CCL22: variants seen among roughly 807,000 people sequenced by gnomAD.
The protein encoded by CCL22 is C-C motif chemokine 22.
A neutral mutation model predicts 7.6 loss-of-function variants in CCL22; 7 were observed. The ratio of observed to expected loss-of-function variants is 0.92; its 90% CI spans 0.52 to 1.72. The LOEUF (loss-of-function observed/expected upper bound fraction) is 1.72. CCL22 is among the 40% of genes most tolerant of loss of function. The pLI, the probability that CCL22 is intolerant of heterozygous loss-of-function variation, is 0.00. For synonymous variants in CCL22, 55 were observed against 47.2 expected (o/e 1.17, Z -0.68); for missense variants, 115 against 124.7 (o/e 0.92, Z 0.37).
Position 57,361,207 on chromosome 16 carries a change from C to T in CCL22, c.197+647C>T, listed in dbSNP as rs192630790. On this transcript the variant is annotated intron_variant, in intron 2 of 2. Coordinates refer to ENST00000219235, the MANE Select transcript of CCL22 (RefSeq NM_002990.5). The stretch of plus-strand genomic sequence containing the variant: ...CTGGAAGGTGGAGGTTGCAGTGAGC[C>T]GAGATCGCTCCACCTCACTCCAGCC... Among the ~76,000 whole-genome samples, 234 of 146,454 alleles carry T rather than the reference C, an allele frequency of 1.6e-3. 2 individuals carry two copies. The highest frequency in any genetic ancestry group is 5.6e-3 in the African/African-American group (217 of 38,422).
At chr16:57,357,949 G>A (rs145657401), upstream of CCL22, among the ~76,000 whole-genome samples, 6 of 152,286 alleles carry the variant, frequency 3.9e-5, no homozygotes, top group Non-Finnish European at 5.9e-5. Flanking sequence ...GGGGAGCCAC[G>A]GCAGGGTTCT....
intron 2 of CCL22, among the ~76,000 whole-genome samples, chr16:57,362,454 AAATC>A (rs534924305): frequency 3.3e-5 from 5 of 152,062 alleles, no homozygotes; most frequent in Non-Finnish European, 7.3e-5. Flanking sequence ...CCTGTCTCTA[AAATC>A]AATCAATCAA....
In CCL22 at chr16:57,363,525, G is replaced by A. The variant is rs1485998618; in HGVS notation, c.219G>A (p.Lys73=). Residue 73 remains lysine, a synonymous_variant, in exon 3 of 3, where the codon AAG becomes AAA. Transcript: ENST00000219235. ...CCAGGTTGCTAACCTTCAGGGATAA[G>A]GAGATCTGTGCCGATCCCAGAGTGC... ...PGVVLLTFRD[K]EICADPRVPW... 1.2e-6 allele frequency: 2 copies of A among 1,613,294 alleles called. No homozygotes were observed. The highest frequency in any genetic ancestry group is 1.7e-6 in the Non-Finnish European group (2 of 1,179,458).
chr16:57,360,212 A>C (rs1413832236), intron 1 of CCL22, among the ~76,000 whole-genome samples: 1 of 152,206 alleles, frequency 6.6e-6, no homozygotes, highest in South Asian at 2.1e-4. Context: ...CCGCTCCTAG[A>C]GCTGACTGTC....
Position 57,358,885 on chromosome 16 carries a change from G to A in CCL22, c.69G>A (p.Glu23=), listed in dbSNP as rs1902017866. Residue 23 remains glutamate (E), a synonymous_variant, in exon 1 of 3, where the codon GAG becomes GAA. Coordinates refer to ENST00000219235, the MANE Select transcript of CCL22 (RefSeq NM_002990.5). ...VLLAVALQAT[E]AGPYGANMED... ...TTGCTGTGGCGCTTCAAGCAACTGAGGCAGGTGAGGCTGGGGAGCAGGAAG... is the reference window on the plus strand; with the variant it reads ...TTGCTGTGGCGCTTCAAGCAACTGAAGCAGGTGAGGCTGGGGAGCAGGAAG... 3.1e-6 allele frequency: 5 copies of A among 1,612,960 alleles called. No homozygotes were observed. The highest frequency in any genetic ancestry group is 3.3e-5 in the Admixed American group (2 of 59,998).
Position 57,358,907 on chromosome 16 carries a change from G to A in CCL22, c.73+18G>A, listed in dbSNP as rs964760441. ...TGAGGCAGGTGAGGCTGGGGAGCAGGAAGACCCCCTACAGAGGCCAGGGCA... is the reference window on the plus strand; with the variant it reads ...TGAGGCAGGTGAGGCTGGGGAGCAGAAAGACCCCCTACAGAGGCCAGGGCA... On this transcript the variant is annotated intron_variant, in intron 1 of 2. Coordinates refer to ENST00000219235, the MANE Select transcript of CCL22 (RefSeq NM_002990.5). 1 of 1,603,570 alleles carries A rather than the reference G, an allele frequency of 6.2e-7. No individual in the cohort carries two copies. The highest frequency in any genetic ancestry group is 8.5e-7 in the Non-Finnish European group (1 of 1,171,514).
At position 57,364,793 on chromosome 16, in the gene CCL22, A is replaced by ACTC. The variant is rs1555509459; in HGVS notation, c.*1206_*1207insTCC. The ACTC allele has an allele frequency of 1.6e-3, 54 of 33,620 alleles. 2 individuals are homozygous for ACTC. Among genetic ancestry groups the ACTC allele is most frequent in the South Asian group, 0.01 (14 of 1,388 alleles). The allele number at this position is 33,620 out of a possible 1,614,324, so 2.1% of individuals were successfully genotyped here. A position where few individuals can be genotyped will look rare whatever the true frequency, so the allele number is the denominator to read the frequency against. On this transcript the variant is annotated 3_prime_UTR_variant, in exon 3 of 3. Coordinates refer to ENST00000219235, the MANE Select transcript of CCL22 (RefSeq NM_002990.5). Reference sequence around the variant, plus strand: ...AGTGCCTGGCCTCTTCCCTCTCCCCACCCCCCCCCCAACTTTTTTTTTTTT... The same window carrying ACTC: ...AGTGCCTGGCCTCTTCCCTCTCCCCACTCCCCCCCCCCCAACTTTTTTTTTTTT...
At chr16:57,363,468 T>A in intron 2 of CCL22, 36 bp from the exon 3 acceptor site, 13 of 1,414,116 alleles carry the variant, frequency 9.2e-6, no homozygotes, top group Non-Finnish European at 1.3e-5. Flanking sequence ...TGCGTGCTAA[T>A]GTTGCTGCAT....
Position 57,360,437 on chromosome 16 carries a change from G to T in CCL22, c.74G>T (p.Gly25Val), listed in dbSNP as rs1555509277. Residue 25 changes from glycine (G) to valine (V), a missense_variant and splice_region_variant, in exon 2 of 3, where the codon GGC becomes GTC. Gly to Val is a moderately radical substitution (Grantham distance 109). Transcript: ENST00000219235. ...LAVALQATEA[G>V]PYGANMEDSV... ...AATTCACTGGGGACCCCTCCCCTAG[G>T]CCCCTACGGCGCCAACATGGAAGAC... 1 of 1,614,158 alleles carries T rather than the reference G, an allele frequency of 6.2e-7. No individual in the cohort carries two copies. The highest frequency in any genetic ancestry group is 1.1e-5 in the South Asian group (1 of 91,090).
Position 57,364,226 on chromosome 16 carries a change from T to C in CCL22, c.*638T>C, listed in dbSNP as rs1386906470. 6.5e-6 allele frequency: 1 copy of C among 152,932 alleles called. No homozygotes were observed. The highest frequency in any genetic ancestry group is 6.5e-5 in the Admixed American group (1 of 15,432). The allele number at this position is 152,932 out of a possible 1,614,324, so 9.5% of individuals were successfully genotyped here. On this transcript the variant is annotated 3_prime_UTR_variant, in exon 3 of 3. Coordinates refer to ENST00000219235, the MANE Select transcript of CCL22 (RefSeq NM_002990.5). Reference sequence around the variant, plus strand: ...GTTTTCTCCCCCACCTCTCCACTAGTTGGACCAAGGTTTCTAGCTAAGTTA... The same window carrying C: ...GTTTTCTCCCCCACCTCTCCACTAGCTGGACCAAGGTTTCTAGCTAAGTTA...
At chr16:57,362,568 T>C (rs1171940411) in intron 2 of CCL22, among the ~76,000 whole-genome samples, 1 of 152,052 alleles carries the variant, frequency 6.6e-6, no homozygotes, top group Non-Finnish European at 1.5e-5. Flanking sequence ...TATAAGACTC[T>C]TGGGGATTCT....
chr16:57,360,031 G>A (rs111541527), intron 1 of CCL22, among the ~76,000 whole-genome samples: 1 of 152,174 alleles, frequency 6.6e-6, no homozygotes, highest in African/African-American at 2.4e-5. Context: ...GGAGGAGTGA[G>A]CACTGGAGTG....
chr16:57,358,997 G>A lies in CCL22; in HGVS notation c.73+108G>A, dbSNP rs1902019460. The A allele has an allele frequency of 9.1e-6, 8 of 877,908 alleles. No individual in the cohort carries two copies. The South Asian group carries it at 1.1e-4, about 12-fold the overall frequency. 54.4% of individuals were successfully genotyped at this position (877,908 alleles called of 1,614,324 possible). A position where few individuals can be genotyped will look rare whatever the true frequency, so the allele number is the denominator to read the frequency against. On this transcript the variant is annotated intron_variant, in intron 1 of 2. Transcript: ENST00000219235. ...GACCAAGAGCAGAAGACCTCAGTCT[G>A]CTGTTGGCTCTTGCGGCCTTCGGCT...
intron 2 of CCL22, 107 bp downstream of exon 2, chr16:57,360,667 G>C (rs1902039378): frequency 2.2e-6 from 3 of 1,387,228 alleles, no homozygotes; most frequent in Non-Finnish European, 2.0e-6. Flanking sequence ...GAGGAATGTG[G>C]CAGGGCTACC....
chr16:57,363,204 A>G (rs1186697900), intron 2 of CCL22, among the ~76,000 whole-genome samples: 5 of 152,144 alleles, frequency 3.3e-5, no homozygotes, highest in Non-Finnish European at 5.9e-5. Flanking sequence ...CATGTTGCCC[A>G]GGATGGCCTT....
upstream of CCL22, among the ~76,000 whole-genome samples, chr16:57,358,333 A>G (rs1902010350): frequency 6.6e-6 from 1 of 152,214 alleles, no homozygotes; most frequent in African/African-American, 2.4e-5. Context: ...CTCCCATTGA[A>G]GAGAGACCAG....
In CCL22 at chr16:57,365,555, T is replaced by C. The variant is rs1902100929; in HGVS notation, c.*1967T>C. The C allele has an allele frequency of 1.3e-5, 2 of 152,168 alleles. No individual in the cohort carries two copies. The highest frequency in any genetic ancestry group is 6.6e-5 in the Admixed American group (1 of 15,256). 9.4% of individuals were successfully genotyped at this position (152,168 alleles called of 1,614,324 possible). On this transcript the variant is annotated 3_prime_UTR_variant, in exon 3 of 3. Transcript: ENST00000219235. ...GTGAAGGAATCCTGGGTAGAGACCA[T>C]TCTCAGGTGGTTGGGCCAGGCTAAA...
intron 1 of CCL22, among the ~76,000 whole-genome samples, chr16:57,359,700 T>C (rs545762428): frequency 5.7e-4 from 86 of 152,042 alleles, no homozygotes; most frequent in African/African-American, 2.0e-3. Context: ...TGGCGCAATC[T>C]CAGCTCACTG....
At chr16:57,363,029 G>C (rs1902066384) in intron 2 of CCL22, among the ~76,000 whole-genome samples, 1 of 150,460 alleles carries the variant, frequency 6.6e-6, no homozygotes. Flanking sequence ...GTCTCATTCT[G>C]TTGCCTAGGC....
Sources: allele counts gnomAD v4.1 joint callset (sites outside exome capture counted in the v4.1 genomes callset), GRCh38; gene constraint gnomAD v4.1.1; transcripts MANE v1.5; gene names NCBI Gene and HGNC (gene_info 2026-07-23, HGNC 2026-07-21).